UNC13C: variants seen among roughly 807,000 people sequenced by gnomAD.
The protein encoded by UNC13C is protein unc-13 homolog C.
In UNC13C, 174 loss-of-function variants were observed where a neutral mutation model predicts 245.4. That is an observed-to-expected ratio of 0.71 (90% CI 0.63 to 0.80). The LOEUF (loss-of-function observed/expected upper bound fraction) is 0.80, where lower values mean the gene tolerates loss of function less well. Ranked by LOEUF, UNC13C falls within the 30% of genes least tolerant of loss-of-function variation. The pLI is 0.00. For missense variants in UNC13C, 2,829 were observed against 2,602.9 expected, an observed-to-expected ratio of 1.09 and a Z score of -1.89; for synonymous variants, 992 against 895.1, an observed-to-expected ratio of 1.11 and a Z score of -1.93.
At chr15:54,272,008 T>C (rs768495944) in intron 10 of UNC13C, among the ~76,000 whole-genome samples, 8 of 152,154 alleles carry the variant, frequency 5.3e-5, no homozygotes, top group Non-Finnish European at 1.0e-4. Flanking sequence ...TACAAAAAGC[T>C]CTCTGGCCAA....
rs577392166 is a variant in UNC13C at position 54,182,789 on chromosome 15, A to G, written c.3071+39105A>G. On this transcript the variant is annotated intron_variant, in intron 4 of 32. Coordinates refer to ENST00000260323, the MANE Select transcript of UNC13C (RefSeq NM_001080534.3). ...AGGAAAATAATTCCAAGAAGCATGG[A>G]ACTTTAGGAAAGATAGAAAAGTACC... Among the ~76,000 whole-genome samples the G allele has an allele frequency of 2.6e-5, 4 of 152,220 alleles. No individual in the cohort carries two copies. In the East Asian group the frequency reaches 5.8e-4, roughly 22 times the overall value.
intron 17 of UNC13C, among the ~76,000 whole-genome samples, chr15:54,364,383 C>A (rs896204679): frequency 6.6e-6 from 1 of 152,038 alleles, no homozygotes; most frequent in African/African-American, 2.4e-5. Context: ...ACACTCAGAG[C>A]TGCTATGAGA....
the UNC13C span, among the ~76,000 whole-genome samples, chr15:53,880,219 G>C: frequency 6.6e-6 from 1 of 152,064 alleles, no homozygotes; most frequent in African/African-American, 2.4e-5. Flanking sequence ...AGTTGCAAAT[G>C]GCAGAATAAG....
intron 4 of UNC13C, among the ~76,000 whole-genome samples, chr15:54,205,690 G>A (rs904495331): frequency 2.4e-4 from 37 of 151,978 alleles, no homozygotes; most frequent in African/African-American, 8.4e-4. Flanking sequence ...ATGTTTAAAA[G>A]CATTGTCCTG....
intron 17 of UNC13C, among the ~76,000 whole-genome samples, chr15:54,342,865 A>T (rs1311224415): frequency 6.6e-6 from 1 of 152,198 alleles, no homozygotes; most frequent in Non-Finnish European, 1.5e-5. Flanking sequence ...ATATATAACC[A>T]CATACTTGTT....
At chr15:54,526,895 C>T (rs1313891421) in intron 25 of UNC13C, among the ~76,000 whole-genome samples, 1 of 152,056 alleles carries the variant, frequency 6.6e-6, no homozygotes, top group Non-Finnish European at 1.5e-5. Flanking sequence ...AGACAAAAGA[C>T]TCTGAAAGCA....
chr15:54,139,964 A>G (rs1442832349), intron 2 of UNC13C, among the ~76,000 whole-genome samples: 1 of 152,118 alleles, frequency 6.6e-6, no homozygotes, highest in Non-Finnish European at 1.5e-5. Flanking sequence ...GTCTTTAATA[A>G]AAAATGTTTT....
chr15:54,474,053 AT>A (rs1475360921), intron 19 of UNC13C, among the ~76,000 whole-genome samples: 2 of 151,946 alleles, frequency 1.3e-5, no homozygotes, highest in African/African-American at 2.4e-5. Flanking sequence ...GGCTTACTGC[AT>A]TTTTTAATCC....
intron 10 of UNC13C, among the ~76,000 whole-genome samples, chr15:54,287,296 G>C (rs968047709): frequency 6.6e-6 from 1 of 152,012 alleles, no homozygotes; most frequent in African/African-American, 2.4e-5. Flanking sequence ...TAAAAGTCAA[G>C]GTTTGTGAAA....
the UNC13C span, among the ~76,000 whole-genome samples, chr15:53,910,571 C>A: frequency 6.8e-6 from 1 of 146,026 alleles, no homozygotes; most frequent in Non-Finnish European, 1.5e-5. Flanking sequence ...AGAGTCAGAG[C>A]TTTCCATCTT....
intron 2 of UNC13C, among the ~76,000 whole-genome samples, chr15:54,122,645 G>A (rs2030751576): frequency 6.6e-6 from 1 of 151,888 alleles, no homozygotes; most frequent in African/African-American, 2.4e-5. Flanking sequence ...AATTATCTTT[G>A]CTGTGAAGGC....
At chr15:54,388,827 G>A (rs2039893337) in intron 17 of UNC13C, among the ~76,000 whole-genome samples, 1 of 151,868 alleles carries the variant, frequency 6.6e-6, no homozygotes, top group African/African-American at 2.4e-5. Flanking sequence ...ATATATACTG[G>A]AATTTTTTTT....
chr15:54,189,001 G>T (rs1048160262), intron 4 of UNC13C, among the ~76,000 whole-genome samples: 1 of 152,090 alleles, frequency 6.6e-6, no homozygotes, highest in East Asian at 1.9e-4. Flanking sequence ...AATAAGGACT[G>T]TTGTTGCTTT....
At chr15:54,609,583 A>C (rs1457382293) in intron 30 of UNC13C, 10 of 152,158 alleles carry the variant, frequency 6.6e-5, no homozygotes, top group Non-Finnish European at 1.5e-4. Context: ...TGTTTGTTAA[A>C]CAATTCAGAT....
intron 17 of UNC13C, among the ~76,000 whole-genome samples, chr15:54,370,911 C>T (rs1031401214): frequency 2.0e-5 from 3 of 152,012 alleles, no homozygotes; most frequent in Non-Finnish European, 2.9e-5. Context: ...CATGAAATCA[C>T]ATGTTAGTGT....
At chr15:53,879,701 C>A in the UNC13C span, among the ~76,000 whole-genome samples, 1 of 152,132 alleles carries the variant, frequency 6.6e-6, no homozygotes, top group South Asian at 2.1e-4. Flanking sequence ...CAATTCTCTG[C>A]CTCAGCCTCC....
intron 19 of UNC13C, among the ~76,000 whole-genome samples, chr15:54,472,120 A>G (rs575257516): frequency 5.9e-5 from 9 of 151,654 alleles, no homozygotes; most frequent in African/African-American, 2.2e-4. Context: ...TCTTTTGTAC[A>G]TCTATTATAG....
intron 19 of UNC13C, chr15:54,416,805 A>C: frequency 2.3e-6 from 1 of 429,418 alleles, no homozygotes. Flanking sequence ...TGTTCCCTAT[A>C]GCAGTTATTG....
intron 7 of UNC13C, among the ~76,000 whole-genome samples, chr15:54,248,859 T>C (rs1025911480): frequency 1.3e-5 from 2 of 152,148 alleles, no homozygotes; most frequent in African/African-American, 2.4e-5. Context: ...ACCAAACATA[T>C]TCTGGGAAAA....
Sources: allele counts gnomAD v4.1 joint callset (sites outside exome capture counted in the v4.1 genomes callset), GRCh38; gene constraint gnomAD v4.1.1; transcripts MANE v1.5; gene names NCBI Gene and HGNC (gene_info 2026-07-23, HGNC 2026-07-21).